The following CTDSP1 variants were observed in gnomAD, a reference collection of about 807,000 sequenced individuals.
CTDSP1 encodes the protein CTD small phosphatase 1, also known as carboxy-terminal domain RNA polymerase II polypeptide A small phosphatase 1.
Under a neutral mutation model 32.5 loss-of-function variants are expected in CTDSP1, and 15 were observed. The ratio of observed to expected loss-of-function variants is 0.46; its 90% CI spans 0.31 to 0.71. The LOEUF is 0.71. Ranked by LOEUF, CTDSP1 falls within the 30% of genes least tolerant of loss-of-function variation. CTDSP1 has a pLI of 0.05. For missense variants in CTDSP1, 294 were observed against 351.1 expected, an observed-to-expected ratio of 0.84 and a Z score of 1.30; for synonymous variants, 185 against 145.4, an observed-to-expected ratio of 1.27 and a Z score of -1.96.
At chr2:218,398,381 G>C (rs913589534), upstream of CTDSP1, 3 of 1,532,740 alleles carry the variant, frequency 2.0e-6, no homozygotes, top group South Asian at 1.2e-5. Flanking sequence ...GAAAACGCCA[G>C]CAGCGTGTGG....
chr2:218,398,742 G>A (rs1696948763), upstream of CTDSP1: 3 of 295,618 alleles, frequency 1.0e-5, no homozygotes, highest in Non-Finnish European at 1.9e-5. Context: ...AGGGGTGTTT[G>A]TCGGGCTTGG....
intron 2 of CTDSP1, among the ~76,000 whole-genome samples, 153 bp from the exon 3 acceptor site, chr2:218,401,958 G>A (rs1697167538): frequency 2.0e-5 from 3 of 152,320 alleles, no homozygotes; most frequent in African/African-American, 7.2e-5. Flanking sequence ...GCCTACCCAA[G>A]CCCTAGAGCT....
rs1164747527 is a variant in CTDSP1 at position 218,403,279 on chromosome 2, G to C, written c.519G>C (p.Arg173=). ...TGCTGGACAAATGGGGGGCCTTCCGGGCCCGGCTGTTTCGAGAGTCCTGCG... is the reference window on the plus strand; with the variant it reads ...TGCTGGACAAATGGGGGGCCTTCCGCGCCCGGCTGTTTCGAGAGTCCTGCG... ...ADLLDKWGAF[R]ARLFRESCVF... is the part of the protein sequence containing the mutation. The change falls in exon 6 of 7, where the codon CGG becomes CGC. Residue 173 remains arginine, a synonymous_variant. Coordinates refer to ENST00000273062, the MANE Select transcript of CTDSP1 (RefSeq NM_021198.3). 1 of 1,614,004 alleles carries C rather than the reference G, an allele frequency of 6.2e-7. No homozygotes were observed. The highest frequency in any genetic ancestry group is 8.5e-7 in the Non-Finnish European group (1 of 1,179,940).
chr2:218,401,541 C>G (rs752012691), intron 1 of CTDSP1, 23 bp from the exon 2 acceptor site: 3 of 1,612,810 alleles, frequency 1.9e-6, no homozygotes, highest in Admixed American at 1.7e-5. Context: ...ACCGAGCCTC[C>G]AACTTGTGCC....
intron 6 of CTDSP1, among the ~76,000 whole-genome samples, chr2:218,404,002 G>A (rs1204974905): frequency 1.3e-5 from 2 of 152,132 alleles, no homozygotes; most frequent in Admixed American, 6.5e-5. Context: ...AGAGGCTGTG[G>A]TGAGCCAAGA....
At chr2:218,398,403 A>G, upstream of CTDSP1, 1 of 1,535,386 alleles carries the variant, frequency 6.5e-7, no homozygotes, top group Non-Finnish European at 8.7e-7. Flanking sequence ...GATCACGGTG[A>G]TGAAGCGCAA....
chr2:218,400,856 C>G (rs1022533665), intron 1 of CTDSP1: 39 of 456,440 alleles, frequency 8.5e-5, no homozygotes, highest in African/African-American at 6.8e-4. Context: ...CTGTCTTCTC[C>G]TTTTCCCCGT....
At position 218,403,343 on chromosome 2, in the gene CTDSP1, T is replaced by C. The variant is rs764216314; in HGVS notation, c.583T>C (p.Leu195=). The change falls in exon 6 of 7, where the codon TTG becomes CTG. Residue 195 remains leucine, a synonymous_variant. Coordinates refer to ENST00000273062, the MANE Select transcript of CTDSP1 (RefSeq NM_021198.3). ...GAACTACGTGAAGGACCTGAGCCGG[T>C]TGGGTCGAGACCTGCGGCGGGTGCT... ...RGNYVKDLSR[L]GRDLRRVLIL... 8.1e-6 allele frequency: 13 copies of C among 1,613,932 alleles called. No individual in the cohort carries two copies. In the Admixed American group the frequency reaches 8.3e-5, roughly 10 times the overall value.
intron 1 of CTDSP1, chr2:218,401,116 G>C: frequency 2.7e-6 from 1 of 370,446 alleles, no homozygotes; most frequent in Non-Finnish European, 5.5e-6. Flanking sequence ...CCCAGCCGCA[G>C]TGAGGACTTC....
chr2:218,403,691 C>T, intron 6 of CTDSP1: 1 of 376,822 alleles, frequency 2.7e-6, no homozygotes. Flanking sequence ...TTCGAATTGC[C>T]AGTTGTGACC....
upstream of CTDSP1, chr2:218,398,553 G>C (rs1291486359): frequency 1.3e-5 from 15 of 1,140,626 alleles, no homozygotes; most frequent in African/African-American, 3.3e-5. Context: ...CCTTCTGGCA[G>C]ACGCCGCTCC....
At position 218,400,124 on chromosome 2, in the gene CTDSP1, AAGG is replaced by A. The variant is rs1291483593; in HGVS notation, c.41_43del (p.Glu14del). On this transcript the variant is annotated inframe_deletion, in exon 1 of 7. Transcript: ENST00000273062. The stretch of plus-strand genomic sequence containing the variant: ...CTCGGCCGTCATTACTCAGATCAGC[AAGG>A]AGGAGGCTCGGGGCCCGCTGCGGGG... The A allele has an allele frequency of 4.5e-6, 7 of 1,544,812 alleles. No homozygotes were observed. Among genetic ancestry groups the A allele is most frequent in the African/African-American group, 1.4e-5 (1 of 72,562 alleles).
chr2:218,402,805 T>G (rs1697220561), intron 4 of CTDSP1: 2 of 697,284 alleles, frequency 2.9e-6, no homozygotes, highest in African/African-American at 3.5e-5. Flanking sequence ...GATTGGGAAT[T>G]AGGGACCTCG....
In CTDSP1 at chr2:218,400,088, C is replaced by G; in HGVS notation, c.-3C>G. 1.3e-6 allele frequency: 2 copies of G among 1,524,064 alleles called. No homozygotes were observed. Among genetic ancestry groups the G allele is most frequent in the Non-Finnish European group, 1.8e-6 (2 of 1,136,274 alleles). The allele number at this position is 1,524,064 out of a possible 1,614,324, so 94.4% of individuals were successfully genotyped here. A position where few individuals can be genotyped will look rare whatever the true frequency, so the allele number is the denominator to read the frequency against. ...CCGGCCGGAGCGGAGCGCGCCCGGC[C>G]CCATGGACAGCTCGGCCGTCATTAC... On this transcript the variant is annotated 5_prime_UTR_variant, in exon 1 of 7. Coordinates refer to ENST00000273062, the MANE Select transcript of CTDSP1 (RefSeq NM_021198.3).
upstream of CTDSP1, chr2:218,398,564 C>A (rs868337723): frequency 2.3e-6 from 2 of 882,742 alleles, no homozygotes; most frequent in Middle Eastern, 3.7e-4. Context: ...ACGCCGCTCC[C>A]CTCCCTTCCC....
upstream of CTDSP1, chr2:218,398,856 A>C (rs563681003): frequency 1.1e-4 from 18 of 157,366 alleles, no homozygotes; most frequent in African/African-American, 4.1e-4. Flanking sequence ...GGCGCGCACC[A>C]CGGAGGGGCT....
chr2:218,399,401 G>C (rs1032984261), upstream of CTDSP1: 3 of 152,310 alleles, frequency 2.0e-5, no homozygotes, highest in African/African-American at 7.2e-5. Context: ...CAGAGCCTTC[G>C]CTGGCTCTTG....
chr2:218,402,390 T>C lies in CTDSP1; in HGVS notation c.363T>C (p.Asp121=), dbSNP rs1697192803. 1 of 1,610,770 alleles carries C rather than the reference T, an allele frequency of 6.2e-7. No homozygotes were observed. The highest frequency in any genetic ancestry group is 8.5e-7 in the Non-Finnish European group (1 of 1,178,188). ...ACTTCATCATCCCTGTGGAGATTGATGGGGTGGTCCACCAGGTGAGGGCCA... is the reference window on the plus strand; with the variant it reads ...ACTTCATCATCCCTGTGGAGATTGACGGGGTGGTCCACCAGGTGAGGGCCA... ...NADFIIPVEI[D]GVVHQVYVLK... is the part of the protein sequence containing the mutation. Residue 121 remains aspartate (D), a synonymous_variant, in exon 4 of 7, where the codon GAT becomes GAC. Coordinates refer to ENST00000273062, the MANE Select transcript of CTDSP1 (RefSeq NM_021198.3).
rs573492868 is a variant in CTDSP1, at chr2:218,404,524, C to T, written c.*99C>T. 3.5e-5 allele frequency: 52 copies of T among 1,466,488 alleles called. 1 individual carries two copies. In the South Asian group the frequency reaches 4.3e-4, roughly 12 times the overall value. 90.8% of individuals were successfully genotyped at this position (1,466,488 alleles called of 1,614,324 possible). ...TTTGTTAGGAAAACCCATGGGCCGC[C>T]GCCACACTCAGTGCCATGGGGAAGC... On this transcript the variant is annotated 3_prime_UTR_variant, in exon 7 of 7. Transcript: ENST00000273062.
Sources: allele counts gnomAD v4.1 joint callset (sites outside exome capture counted in the v4.1 genomes callset), GRCh38; gene constraint gnomAD v4.1.1; transcripts MANE v1.5; gene names NCBI Gene and HGNC (gene_info 2026-07-23, HGNC 2026-07-21).